CCDC178: variants seen among roughly 807,000 people sequenced by gnomAD.
CCDC178 encodes coiled-coil domain-containing protein 178.
Under a neutral mutation model 117.4 loss-of-function variants are expected in CCDC178, and 126 were observed. The ratio of observed to expected loss-of-function variants is 1.07; its 90% confidence interval spans 0.93 to 1.24. The LOEUF (loss-of-function observed/expected upper bound fraction) is 1.24. Among genes scored for constraint, CCDC178 ranks in the 50% most tolerant of loss-of-function variants. CCDC178 has a pLI of 0.00. For synonymous variants in CCDC178, 283 were observed against 313.4 expected (o/e 0.90, Z 1.02); for missense variants, 1,030 against 986.9 (o/e 1.04, Z -0.59).
At chr18:33,072,799 C>A (rs1019633335) in intron 21 of CCDC178, among the ~76,000 whole-genome samples, 2 of 152,186 alleles carry the variant, frequency 1.3e-5, no homozygotes, top group Non-Finnish European at 2.9e-5. Flanking sequence ...CTAAAAGGTG[C>A]TTTCACTATG....
intron 20 of CCDC178, among the ~76,000 whole-genome samples, chr18:33,207,898 G>C (rs1169512795): frequency 6.6e-6 from 1 of 151,848 alleles, no homozygotes; most frequent in Non-Finnish European, 1.5e-5. Flanking sequence ...TTATATTTAG[G>C]AATCACCCAT....
At position 33,245,357 on chromosome 18, in the gene CCDC178, T is replaced by A. The variant is rs2059537176; in HGVS notation, c.1481A>T (p.His494Leu). 7 of 1,605,858 alleles carry A rather than the reference T, an allele frequency of 4.4e-6. No individual in the cohort carries two copies. The East Asian group carries it at 1.3e-4, about 31-fold the overall frequency. ...AGCCTCCTTATAGATGTTCTTGAGA[T>A]GTTTATCATTCTTTAACTTCATTAT... is the stretch of plus-strand genomic sequence containing the variant. ...LTIMKLKNDK[H>L]LKNIYKEAYR... The change falls in exon 15 of 23, where the codon CAT becomes CTT. Residue 494 changes from histidine (H) to leucine (L), a missense_variant. By Grantham distance (99) the His-to-Leu change is moderately conservative. Coordinates refer to ENST00000383096, the MANE Select transcript of CCDC178 (RefSeq NM_001105528.4).
Position 33,223,191 on chromosome 18 carries a change from T to G in CCDC178, c.1847A>C (p.Asp616Ala). ...TTTTCCCACCTTTCTTCTAATAAGA[T>G]CTTTCTGATCAATTATATTATTAAG... The part of the protein sequence containing the change: ...VMLNNIIDQK[D>A]LIRRKVGKVK... Residue 616 changes from aspartate (D) to alanine (A), a missense_variant, in exon 18 of 23, where the codon GAT becomes GCT. Coordinates refer to ENST00000383096, the MANE Select transcript of CCDC178 (RefSeq NM_001105528.4). The G allele has an allele frequency of 6.2e-7, 1 of 1,605,116 alleles. No individual in the cohort carries two copies. Among genetic ancestry groups the G allele is most frequent in the Non-Finnish European group, 8.5e-7 (1 of 1,175,684 alleles).
chr18:33,301,092 C>T (rs565469697), intron 11 of CCDC178, among the ~76,000 whole-genome samples: 2 of 152,306 alleles, frequency 1.3e-5, no homozygotes, highest in South Asian at 2.1e-4. Flanking sequence ...CTTCCCTGCT[C>T]AGTTTAGGGA....
intron 20 of CCDC178, among the ~76,000 whole-genome samples, chr18:33,155,191 A>G (rs1357769615): frequency 1.3e-5 from 2 of 152,146 alleles, no homozygotes; most frequent in Non-Finnish European, 2.9e-5. Context: ...TTCATTGTAA[A>G]CCAATGACAC....
chr18:33,016,518 T>C (rs2055994233), intron 21 of CCDC178, among the ~76,000 whole-genome samples: 1 of 152,088 alleles, frequency 6.6e-6, no homozygotes, highest in African/African-American at 2.4e-5. Flanking sequence ...ACTCTTTTCT[T>C]CTTTTCATGA....
rs2059157548 is a variant in CCDC178, at chr18:33,215,693, A to C, written c.1935T>G (p.Ser645Arg). 2 of 1,513,334 alleles carry C rather than the reference A, an allele frequency of 1.3e-6. No homozygotes were observed. Among genetic ancestry groups the C allele is most frequent in the Non-Finnish European group, 1.8e-6 (2 of 1,136,594 alleles). The allele number at this position is 1,513,334 out of a possible 1,614,324, so 93.7% of individuals were successfully genotyped here. Residue 645 changes from serine (S) to arginine (R), a missense_variant and splice_region_variant, in exon 19 of 23, where the codon AGT becomes AGG. Transcript: ENST00000383096. The stretch of plus-strand genomic sequence containing the variant: ...GGTCTTTAAAAATTGCTGAGCGTTT[A>C]CTCTGAAAAAAAATATACACAAGTG... ...KTLDALIETE[S>R]KRSAIFKDLE... is the part of the protein sequence containing the mutation.
intron 22 of CCDC178, among the ~76,000 whole-genome samples, chr18:32,961,030 T>C (rs1001476701): frequency 5.3e-5 from 8 of 152,132 alleles, no homozygotes; most frequent in Non-Finnish European, 1.0e-4. Context: ...TTTGGAAATT[T>C]TATATGTTAT....
At chr18:33,311,857 AC>A (rs2062347940) in intron 11 of CCDC178, among the ~76,000 whole-genome samples, 1 of 152,042 alleles carries the variant, frequency 6.6e-6, no homozygotes, top group Non-Finnish European at 1.5e-5. Context: ...GGTTTTGAAC[AC>A]CCCCTGGGGC....
chr18:33,248,590 A>G lies in CCDC178; in HGVS notation c.1410-3162T>C, dbSNP rs140143623. ...CTTCATCCATGTCCCTACAAAGGACATAAACTCATCCTTTTTTATGGCTGC... is the reference window on the plus strand; with the variant it reads ...CTTCATCCATGTCCCTACAAAGGACGTAAACTCATCCTTTTTTATGGCTGC... On this transcript the variant is annotated intron_variant, in intron 14 of 22. Coordinates refer to ENST00000383096, the MANE Select transcript of CCDC178 (RefSeq NM_001105528.4). Among the ~76,000 whole-genome samples the G allele has an allele frequency of 4.8e-3, 738 of 152,196 alleles. 5 individuals are homozygous for G. The highest frequency in any genetic ancestry group is 0.017 in the African/African-American group (706 of 41,542).
chr18:33,264,388 T>C (rs1471873764), intron 14 of CCDC178, among the ~76,000 whole-genome samples: 3 of 152,082 alleles, frequency 2.0e-5, no homozygotes, highest in Non-Finnish European at 2.9e-5. Context: ...GACTTAGATA[T>C]ATAGTAGACC....
At chr18:33,251,086 T>G (rs368460053) in intron 14 of CCDC178, among the ~76,000 whole-genome samples, 4 of 151,796 alleles carry the variant, frequency 2.6e-5, no homozygotes, top group African/African-American at 9.6e-5. Context: ...GAGAATTAAC[T>G]GTGAGTTCAC....
chr18:32,959,975 C>A (rs2054674003), intron 22 of CCDC178, among the ~76,000 whole-genome samples: 1 of 151,882 alleles, frequency 6.6e-6, no homozygotes, highest in South Asian at 2.1e-4. Flanking sequence ...CAGAAATAAG[C>A]TTATTTTATT....
chr18:32,951,863 C>T (rs758341131), intron 22 of CCDC178, among the ~76,000 whole-genome samples: 1 of 152,196 alleles, frequency 6.6e-6, no homozygotes, highest in Non-Finnish European at 1.5e-5. Context: ...TTAACACACC[C>T]ATTCCAAATG....
intron 14 of CCDC178, among the ~76,000 whole-genome samples, chr18:33,261,090 T>TGTTC (rs2144746832): frequency 6.6e-6 from 1 of 151,944 alleles, no homozygotes; most frequent in African/African-American, 2.4e-5. Flanking sequence ...TCTGTTTGTT[T>TGTTC]GTTTGTTTGT....
chr18:33,394,228 A>C (rs1167639982), intron 4 of CCDC178, among the ~76,000 whole-genome samples: 1 of 152,020 alleles, frequency 6.6e-6, no homozygotes, highest in East Asian at 1.9e-4. Flanking sequence ...AAAAATCTCA[A>C]AGTGAGAATG....
intron 21 of CCDC178, among the ~76,000 whole-genome samples, chr18:33,055,724 T>C (rs922030163): frequency 4.6e-5 from 7 of 152,190 alleles, no homozygotes; most frequent in African/African-American, 1.7e-4. Flanking sequence ...TGACACAATC[T>C]TATAATTATC....
At chr18:33,132,620 T>C (rs1482946) in intron 20 of CCDC178, among the ~76,000 whole-genome samples, 24,392 of 151,690 alleles carry the variant, frequency 0.16, 2,737 homozygotes, top group African/African-American at 0.32. Context: ...AATGAGGTGT[T>C]GGCTTTTCTT....
At chr18:33,383,805 C>T (rs1266249396) in intron 5 of CCDC178, among the ~76,000 whole-genome samples, 2 of 152,080 alleles carry the variant, frequency 1.3e-5, no homozygotes, top group Non-Finnish European at 2.9e-5. Context: ...TGCCTATTCT[C>T]CTCCAAATAA....
Sources: allele counts gnomAD v4.1 joint callset (sites outside exome capture counted in the v4.1 genomes callset), GRCh38; gene constraint gnomAD v4.1.1; transcripts MANE v1.5; gene names NCBI Gene and HGNC (gene_info 2026-07-23, HGNC 2026-07-21).